The following AADACL2 variants were observed in gnomAD, a reference collection of about 807,000 sequenced individuals.
AADACL2 encodes the protein arylacetamide deacetylase like 2.
A neutral mutation model predicts 22.3 loss-of-function variants in AADACL2; 23 were observed. The ratio of observed to expected loss-of-function variants is 1.03; its 90% CI spans 0.74 to 1.46. The LOEUF (loss-of-function observed/expected upper bound fraction) is 1.46. AADACL2 is among the 40% of genes most tolerant of loss of function. The pLI is 0.00. For missense variants in AADACL2, 472 were observed against 482.9 expected (o/e 0.98, Z 0.21); for synonymous variants, 177 against 166.2 (o/e 1.07, Z -0.50).
In AADACL2 at chr3:151,758,172, A is replaced by G. The variant is rs1347770303; in HGVS notation, c.*578A>G. The G allele has an allele frequency of 6.6e-6, 1 of 152,392 alleles. No homozygotes were observed. Among genetic ancestry groups the G allele is most frequent in the Admixed American group, 6.6e-5 (1 of 15,266 alleles). 9.4% of individuals were successfully genotyped at this position (152,392 alleles called of 1,614,324 possible). On this transcript the variant is annotated 3_prime_UTR_variant, in exon 5 of 5. Coordinates refer to ENST00000356517, the MANE Select transcript of AADACL2 (RefSeq NM_207365.4). The stretch of plus-strand genomic sequence containing the variant: ...CAGGCAAGAGACATGACTCCCTTGG[A>G]GACTCTCTAGAAGGTGCTCTTTGCC...
intron 4 of AADACL2, among the ~76,000 whole-genome samples, chr3:151,754,271 G>C (rs928904200): frequency 1.3e-5 from 2 of 152,132 alleles, no homozygotes; most frequent in Non-Finnish European, 2.9e-5. Flanking sequence ...TGGCATAGAA[G>C]CTTTTCATGA....
intron 1 of AADACL2, among the ~76,000 whole-genome samples, chr3:151,740,217 C>G (rs1327016383): frequency 6.6e-6 from 1 of 152,214 alleles, no homozygotes; most frequent in Non-Finnish European, 1.5e-5. Context: ...TAGCACAGTC[C>G]CTCAACGGCT....
intron 4 of AADACL2, among the ~76,000 whole-genome samples, chr3:151,749,607 C>A (rs960874041): frequency 6.6e-6 from 1 of 152,030 alleles, no homozygotes; most frequent in Non-Finnish European, 1.5e-5. Context: ...CTCAGCCTCC[C>A]GAGTAGCTGG....
chr3:151,750,886 A>G (rs1400178384), intron 4 of AADACL2, among the ~76,000 whole-genome samples: 1 of 152,182 alleles, frequency 6.6e-6, no homozygotes, highest in Admixed American at 6.5e-5. Flanking sequence ...CATACACACA[A>G]AACCCTATTG....
chr3:151,752,893 GTGGTAA>G (rs1371246399), intron 4 of AADACL2, among the ~76,000 whole-genome samples: 1 of 151,980 alleles, frequency 6.6e-6, no homozygotes, highest in Non-Finnish European at 1.5e-5. Flanking sequence ...TTGTCATAAG[GTGGTAA>G]TAAAGCCGTA....
intron 4 of AADACL2, among the ~76,000 whole-genome samples, chr3:151,747,194 A>G (rs919797200): frequency 2.6e-5 from 4 of 152,220 alleles, no homozygotes; most frequent in African/African-American, 9.6e-5. Flanking sequence ...AATTAACAAA[A>G]GCTAAGTAAC....
intron 4 of AADACL2, among the ~76,000 whole-genome samples, chr3:151,752,244 G>A (rs1713698876): frequency 6.6e-6 from 1 of 152,014 alleles, no homozygotes; most frequent in African/African-American, 2.4e-5. Flanking sequence ...TATAGATTAT[G>A]GCTTTAAAAA....
intron 2 of AADACL2, among the ~76,000 whole-genome samples, chr3:151,741,273 A>C (rs1367825356): frequency 6.6e-6 from 1 of 152,196 alleles, no homozygotes. Flanking sequence ...TCAAGTTTGC[A>C]GTTACTGATA....
At chr3:151,752,761 T>C (rs1713718941) in intron 4 of AADACL2, among the ~76,000 whole-genome samples, 1 of 152,190 alleles carries the variant, frequency 6.6e-6, no homozygotes, top group Non-Finnish European at 1.5e-5. Flanking sequence ...TTAGATATTC[T>C]AAAAAATAAG....
chr3:151,734,238 T>C (rs1414808562), intron 1 of AADACL2, 65 bp downstream of exon 1: 2 of 1,521,324 alleles, frequency 1.3e-6, no homozygotes, highest in Non-Finnish European at 1.8e-6. Context: ...AATGGGTGCT[T>C]ATGAACTCTT....
chr3:151,752,868 T>TC (rs1301783365), intron 4 of AADACL2, among the ~76,000 whole-genome samples: 1 of 152,202 alleles, frequency 6.6e-6, no homozygotes, highest in Non-Finnish European at 1.5e-5. Flanking sequence ...CACTTTTGTT[T>TC]CTAATTTGTA....
intron 1 of AADACL2, among the ~76,000 whole-genome samples, chr3:151,738,472 T>A (rs868757844): frequency 6.6e-6 from 1 of 152,182 alleles, no homozygotes; most frequent in East Asian, 1.9e-4. Flanking sequence ...TTATGTGTCA[T>A]GGGGTTGCTC....
intron 1 of AADACL2, among the ~76,000 whole-genome samples, chr3:151,736,302 C>CTTTTTTTTTTTT (rs10575713): frequency 5.8e-5 from 8 of 138,392 alleles, no homozygotes; most frequent in African/African-American, 2.7e-5. Context: ...AAGGATTTAT[C>CTTTTTTTTTTTT]TTTTTTTTTT....
rs1254110445 is a variant in AADACL2, at chr3:151,759,059, C to T, written c.*1465C>T. 2.0e-5 allele frequency: 3 copies of T among 152,086 alleles called. No homozygotes were observed. The highest frequency in any genetic ancestry group is 2.9e-5 in the Non-Finnish European group (2 of 67,936). The allele number at this position is 152,086 out of a possible 1,614,324, so 9.4% of individuals were successfully genotyped here. ...AATTTCAGTACCCCAAAGCTAAAAA[C>T]GCAAACATGACTATGACAAATGAAA... On this transcript the variant is annotated 3_prime_UTR_variant, in exon 5 of 5. Coordinates refer to ENST00000356517, the MANE Select transcript of AADACL2 (RefSeq NM_207365.4).
intron 4 of AADACL2, among the ~76,000 whole-genome samples, chr3:151,756,138 C>T (rs969431027): frequency 1.3e-5 from 2 of 152,048 alleles, no homozygotes; most frequent in African/African-American, 4.8e-5. Context: ...GTAGCAGCAG[C>T]AGGTATTTTC....
rs1459756653 is a variant in AADACL2, at chr3:151,759,855, G to C, written c.*2261G>C. ...AAAGTTTGTTCCATTTTGTGTGGTG[G>C]CATGAGCATTGTGATCAAGCCATTA... is the stretch of plus-strand genomic sequence containing the variant. On this transcript the variant is annotated 3_prime_UTR_variant, in exon 5 of 5. Transcript: ENST00000356517. 1 of 152,082 alleles carries C rather than the reference G, an allele frequency of 6.6e-6. No homozygotes were observed. Among genetic ancestry groups the C allele is most frequent in the Non-Finnish European group, 1.5e-5 (1 of 67,992 alleles). The allele number at this position is 152,082 out of a possible 1,614,324, so 9.4% of individuals were successfully genotyped here. A position where few individuals can be genotyped will look rare whatever the true frequency, so the allele number is the denominator to read the frequency against.
Position 151,745,507 on chromosome 3 carries a change from A to T in AADACL2, c.432-2A>T. 6.2e-7 allele frequency: 1 copy of T among 1,608,978 alleles called. No individual in the cohort carries two copies. Among genetic ancestry groups the T allele is most frequent in the South Asian group, 1.1e-5 (1 of 89,418 alleles). ...AAATGCTTTATTATTCTTTCTTTAA[A>T]GCTATAGGCTGGCTCCTCAACACCA... On this transcript the variant is annotated splice_acceptor_variant, in intron 3 of 4. Coordinates refer to ENST00000356517, the MANE Select transcript of AADACL2 (RefSeq NM_207365.4). LOFTEE classifies it high-confidence loss of function.
chr3:151,740,858 T>C lies in AADACL2; in HGVS notation c.351T>C (p.Phe117=), dbSNP rs760661404. ...ATTTTCATGGTGGTGGTTTTTGTTT[T>C]GGAAGTTCCAGTAAGTTCATTGTAT... ...VIYFHGGGFC[F]GSSKQRAFDF... is the part of the protein sequence containing the mutation. Residue 117 remains phenylalanine, a synonymous_variant, in exon 2 of 5, where the codon TTT becomes TTC. Coordinates refer to ENST00000356517, the MANE Select transcript of AADACL2 (RefSeq NM_207365.4). 11 of 1,613,830 alleles carry C rather than the reference T, an allele frequency of 6.8e-6. No homozygotes were observed. The African/African-American group carries it at 1.1e-4, about 16-fold the overall frequency.
At chr3:151,748,267 T>C (rs1164189100) in intron 4 of AADACL2, among the ~76,000 whole-genome samples, 1 of 152,222 alleles carries the variant, frequency 6.6e-6, no homozygotes, top group African/African-American at 2.4e-5. Flanking sequence ...GACCTTTGAT[T>C]CATCATTTTG....
Sources: allele counts gnomAD v4.1 joint callset (sites outside exome capture counted in the v4.1 genomes callset), GRCh38; gene constraint gnomAD v4.1.1; transcripts MANE v1.5; gene names NCBI Gene and HGNC (gene_info 2026-07-23, HGNC 2026-07-21).